GRM7: variants seen among roughly 807,000 people sequenced by gnomAD.
GRM7 encodes metabotropic glutamate receptor 7.
GRM7 carries 35 observed loss-of-function variants against 84.5 expected under a neutral mutation model. The ratio of observed to expected loss-of-function variants is 0.41; its 90% CI spans 0.32 to 0.55. The LOEUF is 0.55. GRM7 is among the 20% of genes least tolerant of loss of function. The pLI, the probability that GRM7 is intolerant of heterozygous loss-of-function variation, is 0.19. For missense variants in GRM7, 1,003 were observed against 1,194.6 expected (o/e 0.84, Z 2.36); for synonymous variants, 487 against 455.1 (o/e 1.07, Z -0.89).
chr3:7,241,467 A>AT (rs1697555352), intron 2 of GRM7, among the ~76,000 whole-genome samples: 2 of 152,168 alleles, frequency 1.3e-5, no homozygotes, highest in Non-Finnish European at 2.9e-5. Flanking sequence ...AGGAATTAAA[A>AT]ATATATAAAA....
intron 5 of GRM7, among the ~76,000 whole-genome samples, chr3:7,416,873 G>A (rs1365615942): frequency 6.6e-6 from 1 of 152,054 alleles, no homozygotes; most frequent in Non-Finnish European, 1.5e-5. Context: ...TCTATGACAG[G>A]GTACATTCAA....
intron 1 of GRM7, among the ~76,000 whole-genome samples, chr3:7,067,902 TATAA>T (rs1402623446): frequency 6.6e-6 from 1 of 151,974 alleles, no homozygotes; most frequent in African/African-American, 2.4e-5. Context: ...TTGCTGCACA[TATAA>T]ATATATTATT....
Position 7,241,265 on chromosome 3 carries a change from AG to A in GRM7, c.737-57416del, listed in dbSNP as rs541387717. ...TAAATTTCTATATGGAATGTGGATA[AG>A]GGTGTCTATATGGACTACAAACATC... is the stretch of plus-strand genomic sequence containing the variant. On this transcript the variant is annotated intron_variant, in intron 2 of 9. Coordinates refer to ENST00000357716, the MANE Select transcript of GRM7 (RefSeq NM_000844.4). 1.8e-4 allele frequency among the ~76,000 whole-genome samples: 28 copies of A among 152,288 alleles called. 5 individuals are homozygous for A. The highest frequency in any genetic ancestry group is 1.5e-3 in the South Asian group (7 of 4,826).
chr3:7,074,992 G>A (rs1030507867), intron 1 of GRM7, among the ~76,000 whole-genome samples: 1 of 152,148 alleles, frequency 6.6e-6, no homozygotes, highest in African/African-American at 2.4e-5. Context: ...TTTAGTCTGA[G>A]GAACAGTACT....
At chr3:7,506,674 T>C (rs1483065386) in intron 7 of GRM7, among the ~76,000 whole-genome samples, 1 of 152,194 alleles carries the variant, frequency 6.6e-6, no homozygotes, top group Non-Finnish European at 1.5e-5. Flanking sequence ...TCTTGTGTCA[T>C]AACATGTCAG....
chr3:7,247,593 C>CTT (rs139175818), intron 2 of GRM7, among the ~76,000 whole-genome samples: 9 of 126,020 alleles, frequency 7.1e-5, no homozygotes, highest in African/African-American at 2.7e-4. Context: ...GACACTCTCT[C>CTT]TTTTTTTTTA....
intron 2 of GRM7, among the ~76,000 whole-genome samples, chr3:7,196,569 C>T (rs1421139016): frequency 6.6e-6 from 1 of 152,034 alleles, no homozygotes; most frequent in African/African-American, 2.4e-5. Flanking sequence ...GATGTTGTTC[C>T]CTCTGCCCGA....
intron 2 of GRM7, among the ~76,000 whole-genome samples, chr3:7,191,695 G>C (rs902431172): frequency 2.7e-5 from 4 of 150,658 alleles, no homozygotes; most frequent in African/African-American, 7.3e-5. Flanking sequence ...GAAACGACAA[G>C]GCATGATGGA....
At chr3:7,135,466 T>C (rs1693741653) in intron 1 of GRM7, among the ~76,000 whole-genome samples, 1 of 152,210 alleles carries the variant, frequency 6.6e-6, no homozygotes, top group Non-Finnish European at 1.5e-5. Context: ...ATTCGCCTTT[T>C]ACAAGTTTTG....
At chr3:7,180,791 A>G (rs1695311954) in intron 2 of GRM7, among the ~76,000 whole-genome samples, 1 of 152,216 alleles carries the variant, frequency 6.6e-6, no homozygotes, top group East Asian at 1.9e-4. Flanking sequence ...CCATCTGACC[A>G]GTAATTTGCT....
rs564604491 is a variant in GRM7, at chr3:6,889,628, G to T, written c.519+27721G>T. Among the ~76,000 whole-genome samples, 8 of 152,238 alleles carry T rather than the reference G, an allele frequency of 5.3e-5. No individual in the cohort carries two copies. The South Asian group carries it at 1.2e-3, about 24-fold the overall frequency. ...CCTTTTTGATGTGCTGCTGGATTTGGTTTGCCAGTATTTTATTGAGGATTT... is the reference window on the plus strand; with the variant it reads ...CCTTTTTGATGTGCTGCTGGATTTGTTTTGCCAGTATTTTATTGAGGATTT... On this transcript the variant is annotated intron_variant, in intron 1 of 9. Coordinates refer to ENST00000357716, the MANE Select transcript of GRM7 (RefSeq NM_000844.4).
chr3:7,338,119 C>CAA (rs911484488), intron 4 of GRM7, among the ~76,000 whole-genome samples: 2 of 118,246 alleles, frequency 1.7e-5, no homozygotes, highest in African/African-American at 7.2e-5. Context: ...TTTATGTACA[C>CAA]ACACACACAC....
chr3:7,114,369 A>G (rs1370484908), intron 1 of GRM7, among the ~76,000 whole-genome samples: 2 of 152,166 alleles, frequency 1.3e-5, no homozygotes, highest in Non-Finnish European at 2.9e-5. Flanking sequence ...TCATTATAAA[A>G]TACAGTCAAC....
At chr3:7,345,675 G>T (rs1421904949) in intron 4 of GRM7, among the ~76,000 whole-genome samples, 13 of 152,032 alleles carry the variant, frequency 8.6e-5, no homozygotes, top group Non-Finnish European at 4.4e-5. Context: ...TTGAATAAAT[G>T]TCAACTCTCT....
At chr3:7,047,456 A>G (rs1160177675) in intron 1 of GRM7, among the ~76,000 whole-genome samples, 1 of 152,082 alleles carries the variant, frequency 6.6e-6, no homozygotes, top group African/African-American at 2.4e-5. Flanking sequence ...TCCAACCACC[A>G]TCTCTCTCAC....
intron 2 of GRM7, among the ~76,000 whole-genome samples, chr3:7,246,100 T>C (rs1697748923): frequency 6.6e-6 from 1 of 152,132 alleles, no homozygotes; most frequent in Admixed American, 6.6e-5. Flanking sequence ...ATTTTTTTTC[T>C]TTGACATGAG....
intron 1 of GRM7, among the ~76,000 whole-genome samples, chr3:7,079,070 C>T (rs941051732): frequency 4.6e-5 from 7 of 151,916 alleles, no homozygotes; most frequent in South Asian, 4.1e-4. Flanking sequence ...TGTTATATAA[C>T]GTGTAATATT....
At chr3:7,170,259 G>A (rs956336857) in intron 2 of GRM7, among the ~76,000 whole-genome samples, 1 of 152,172 alleles carries the variant, frequency 6.6e-6, no homozygotes, top group Non-Finnish European at 1.5e-5. Flanking sequence ...CATTAAGTGG[G>A]TATTGGGTGG....
intron 7 of GRM7, among the ~76,000 whole-genome samples, chr3:7,549,994 C>A (rs1016333509): frequency 6.6e-6 from 1 of 152,200 alleles, no homozygotes; most frequent in Non-Finnish European, 1.5e-5. Context: ...CTTCCAGTTT[C>A]TTTTTGCATA....
Sources: gnomAD v4.1 joint callset for allele counts (sites outside exome capture counted in the v4.1 genomes callset) on GRCh38, gnomAD v4.1.1 for gene constraint, MANE v1.5 for transcripts, NCBI Gene and HGNC (gene_info 2026-07-23, HGNC 2026-07-21) for gene names.